TTBK2: variants seen among roughly 807,000 people sequenced by gnomAD.
TTBK2 encodes the protein tau tubulin kinase 2.
Under a neutral mutation model 110.8 loss-of-function variants are expected in TTBK2, and 28 were observed. The ratio of observed to expected loss-of-function variants is 0.25; its 90% CI spans 0.19 to 0.35. The LOEUF is 0.35. Among genes scored for constraint, TTBK2 ranks in the 10% least tolerant of loss-of-function variants. The pLI is 1.00. For synonymous variants in TTBK2, 532 were observed against 527.3 expected, an observed-to-expected ratio of 1.01 and a Z score of -0.12; for missense variants, 1,369 against 1,500.3, an observed-to-expected ratio of 0.91 and a Z score of 1.45.
At chr15:42,845,904 T>A (rs1243161294) in intron 3 of TTBK2, among the ~76,000 whole-genome samples, 1 of 152,164 alleles carries the variant, frequency 6.6e-6, no homozygotes, top group Non-Finnish European at 1.5e-5. Flanking sequence ...TTGCATACTA[T>A]AGACAGTTAT....
chr15:42,793,565 T>G (rs768832276), intron 10 of TTBK2, among the ~76,000 whole-genome samples: 2 of 147,552 alleles, frequency 1.4e-5, no homozygotes, highest in Admixed American at 6.8e-5. Flanking sequence ...AAAAAAAAAA[T>G]CAGGCCGGCG....
In TTBK2 at chr15:42,753,054, C is replaced by G; in HGVS notation, c.2192G>C (p.Gly731Ala). The change falls in exon 14 of 15, where the codon GGG (glycine) becomes GCG (alanine). Residue 731 changes from glycine (G) to alanine (A), a missense_variant. This residue lies in a region of TTBK2 where 1,097 missense variants were observed against 1,114.7 expected (regional missense o/e 0.98). Transcript: ENST00000267890. ...PPSGGSRTDL[G>A]LQIDHIGHDM... ...ATGACCAATGTGATCTATCTGAAGC[C>G]CCAAATCTGTTCTGCTTCCTCCACT... 6.2e-7 allele frequency: 1 copy of G among 1,612,720 alleles called. No homozygotes were observed. Among genetic ancestry groups the G allele is most frequent in the Non-Finnish European group, 8.5e-7 (1 of 1,179,326 alleles).
At chr15:42,777,623 G>C (rs1415722997) in intron 11 of TTBK2, among the ~76,000 whole-genome samples, 3 of 152,136 alleles carry the variant, frequency 2.0e-5, no homozygotes, top group Admixed American at 2.0e-4. Flanking sequence ...CACAATTTAG[G>C]AGAGGCTGCC....
chr15:42,909,954 G>A (rs2030652613), intron 1 of TTBK2, among the ~76,000 whole-genome samples: 1 of 152,094 alleles, frequency 6.6e-6, no homozygotes, highest in Non-Finnish European at 1.5e-5. Flanking sequence ...CCAGAAGTTT[G>A]AGACCAGCCT....
At chr15:42,846,334 C>A (rs889323582) in intron 3 of TTBK2, among the ~76,000 whole-genome samples, 1 of 151,918 alleles carries the variant, frequency 6.6e-6, no homozygotes, top group African/African-American at 2.4e-5. Flanking sequence ...GGATTACAGG[C>A]GTGCACCACC....
At chr15:42,821,607 A>G (rs1892299002) in intron 6 of TTBK2, among the ~76,000 whole-genome samples, 1 of 151,984 alleles carries the variant, frequency 6.6e-6, no homozygotes, top group South Asian at 2.1e-4. Flanking sequence ...GTCCCTTGTC[A>G]GCACTTAGCA....
At chr15:42,768,597 A>G (rs568261496) in intron 13 of TTBK2, among the ~76,000 whole-genome samples, 92 of 152,338 alleles carry the variant, frequency 6.0e-4, no homozygotes, top group African/African-American at 2.1e-3. Flanking sequence ...CCACTGCTCA[A>G]TGAAATAAAA....
intron 4 of TTBK2, among the ~76,000 whole-genome samples, chr15:42,840,042 A>C (rs142343195): frequency 6.6e-6 from 1 of 152,316 alleles, no homozygotes; most frequent in Non-Finnish European, 1.5e-5. Flanking sequence ...TTAGAATACA[A>C]ATGGAAAACT....
intron 13 of TTBK2, among the ~76,000 whole-genome samples, chr15:42,764,748 G>A (rs1273298033): frequency 2.6e-5 from 4 of 152,256 alleles, no homozygotes; most frequent in African/African-American, 9.6e-5. Context: ...GCTCTGAAGA[G>A]AGCAGTGCTT....
At chr15:42,797,711 CTCTT>C (rs1355090629) in intron 9 of TTBK2, among the ~76,000 whole-genome samples, 11 of 151,922 alleles carry the variant, frequency 7.2e-5, no homozygotes, top group Non-Finnish European at 1.5e-5. Context: ...AAACAGAAAA[CTCTT>C]AATTCAGTGA....
intron 13 of TTBK2, among the ~76,000 whole-genome samples, chr15:42,761,571 C>T (rs974910484): frequency 2.7e-5 from 4 of 146,170 alleles, no homozygotes; most frequent in African/African-American, 1.0e-4. Flanking sequence ...GAAACTCAAA[C>T]ATCTCAACAG....
At chr15:42,816,118 A>ATATATGTG (rs1235814767) in intron 7 of TTBK2, among the ~76,000 whole-genome samples, 1 of 104,166 alleles carries the variant, frequency 9.6e-6, no homozygotes, top group African/African-American at 3.9e-5. Context: ...ATATATATAT[A>ATATATGTG]TGTGTATATT....
At chr15:42,810,457 T>C (rs1891660385) in intron 9 of TTBK2, among the ~76,000 whole-genome samples, 157 bp downstream of exon 9, 1 of 152,162 alleles carries the variant, frequency 6.6e-6, no homozygotes, top group South Asian at 2.1e-4. Flanking sequence ...GACACTCTCA[T>C]CATAAGTTAA....
intron 1 of TTBK2, among the ~76,000 whole-genome samples, chr15:42,915,409 TGCTGGCATATTACGATA>T (rs2031027396): frequency 6.6e-6 from 1 of 152,264 alleles, no homozygotes; most frequent in African/African-American, 2.4e-5. Context: ...AGAGTAGTGA[TGCTGGCATATTACGATA>T]ACTGTTCTAT....
intron 13 of TTBK2, among the ~76,000 whole-genome samples, chr15:42,763,192 A>AT (rs1183545103): frequency 2.2e-4 from 3 of 13,384 alleles, no homozygotes; most frequent in African/African-American, 1.1e-3. Flanking sequence ...ATATATATAT[A>AT]TTTTTTTTTT....
chr15:42,900,349 C>T (rs1164748038), intron 1 of TTBK2, among the ~76,000 whole-genome samples: 1 of 152,110 alleles, frequency 6.6e-6, no homozygotes, highest in Non-Finnish European at 1.5e-5. Flanking sequence ...TGTATGATCC[C>T]ATTTCTATTA....
At chr15:42,874,356 G>C (rs1315720880) in intron 2 of TTBK2, among the ~76,000 whole-genome samples, 3 of 151,190 alleles carry the variant, frequency 2.0e-5, no homozygotes, top group South Asian at 4.2e-4. Context: ...TCACACTGTT[G>C]CCAGGGCTGG....
intron 13 of TTBK2, among the ~76,000 whole-genome samples, chr15:42,764,580 G>C (rs1012362677): frequency 2.0e-5 from 3 of 152,270 alleles, no homozygotes; most frequent in East Asian, 1.9e-4. Flanking sequence ...GCTGAGGCTT[G>C]AGTAGGTAAA....
intron 3 of TTBK2, among the ~76,000 whole-genome samples, chr15:42,860,501 C>G (rs1390155327): frequency 1.3e-5 from 2 of 151,998 alleles, no homozygotes; most frequent in Non-Finnish European, 2.9e-5. Flanking sequence ...TATCCCAACA[C>G]TTTGGGAAGT....
Sources: allele counts gnomAD v4.1 joint callset (sites outside exome capture counted in the v4.1 genomes callset), GRCh38; gene constraint gnomAD v4.1.1; regional missense constraint gnomAD v4.1.1; transcripts MANE v1.5; gene names NCBI Gene and HGNC (gene_info 2026-07-23, HGNC 2026-07-21).